Variants in MAP4K3 observed in about 807,000 individuals in gnomAD.
MAP4K3 encodes the protein mitogen-activated protein kinase kinase kinase kinase 3, also known as MAPK/ERK kinase kinase kinase 3.
In MAP4K3, 94 loss-of-function variants were observed where a neutral mutation model predicts 143.5. The observed-to-expected ratio is 0.65, with a 90% CI of 0.55 to 0.78. The LOEUF is 0.78. MAP4K3 is among the 30% of genes least tolerant of loss of function. The pLI, the probability that MAP4K3 is intolerant of heterozygous loss-of-function variation, is 0.00. For missense variants in MAP4K3, 1,077 were observed against 1,068.1 expected, an observed-to-expected ratio of 1.01 and a Z score of -0.12; for synonymous variants, 416 against 347.2, an observed-to-expected ratio of 1.20 and a Z score of -2.20.
At chr2:39,306,894 G>C (rs1382228643) in intron 15 of MAP4K3, among the ~76,000 whole-genome samples, 1 of 152,218 alleles carries the variant, frequency 6.6e-6, no homozygotes, top group Non-Finnish European at 1.5e-5. Context: ...TTGTATGTTA[G>C]CTTCCCTCAT....
At chr2:39,282,649 G>A in intron 21 of MAP4K3, 95 bp from the exon 22 acceptor site, 1 of 813,970 alleles carries the variant, frequency 1.2e-6, no homozygotes, top group East Asian at 2.6e-5. Flanking sequence ...TAAAATACAT[G>A]AATACATTCT....
At position 39,379,188 on chromosome 2, in the gene MAP4K3, T is replaced by C. The variant is rs1325671294; in HGVS notation, c.97-1065A>G. 2.6e-5 allele frequency among the ~76,000 whole-genome samples: 4 copies of C among 152,072 alleles called. No individual in the cohort carries two copies. The East Asian group carries it at 7.7e-4, about 29-fold the overall frequency. ...GGTAACACCATTAACAGTGGAATTC[T>C]TCTAAGAATACTAGGGCACTAAAAA... On this transcript the variant is annotated intron_variant, in intron 1 of 33. Coordinates refer to ENST00000263881, the MANE Select transcript of MAP4K3 (RefSeq NM_003618.4).
intron 1 of MAP4K3, among the ~76,000 whole-genome samples, chr2:39,406,139 C>T (rs1264307306): frequency 2.0e-5 from 3 of 151,694 alleles, no homozygotes; most frequent in Non-Finnish European, 4.4e-5. Flanking sequence ...CAAAACTGAT[C>T]AAGCAGAAGA....
chr2:39,434,634 T>C (rs1273728816), intron 1 of MAP4K3, among the ~76,000 whole-genome samples: 1 of 152,270 alleles, frequency 6.6e-6, no homozygotes, highest in Non-Finnish European at 1.5e-5. Context: ...GCCCATCTCC[T>C]ATCTTTAGAG....
intron 8 of MAP4K3, 106 bp from the exon 9 acceptor site, chr2:39,326,383 A>G: frequency 7.8e-7 from 1 of 1,279,998 alleles, no homozygotes; most frequent in Admixed American, 2.3e-5. Flanking sequence ...AGGCCTCTTT[A>G]GGCCTTGGTT....
At chr2:39,333,961 T>TGTG (rs1683773450) in intron 6 of MAP4K3, among the ~76,000 whole-genome samples, 2,082 of 144,136 alleles carry the variant, frequency 0.014, 64 homozygotes, top group East Asian at 0.11. Flanking sequence ...TTTCCCATTT[T>TGTG]TGTGTGTGTG....
chr2:39,270,824 G>A (rs965522703), intron 26 of MAP4K3, among the ~76,000 whole-genome samples: 4 of 152,106 alleles, frequency 2.6e-5, no homozygotes, highest in African/African-American at 7.2e-5. Context: ...TGGTATGAAT[G>A]CACATATATA....
At chr2:39,411,147 TG>T (rs1353132586) in intron 1 of MAP4K3, among the ~76,000 whole-genome samples, 2 of 152,232 alleles carry the variant, frequency 1.3e-5, no homozygotes, top group Non-Finnish European at 2.9e-5. Context: ...CTGTGAGGAC[TG>T]GGAAATGGAT....
Position 39,250,563 on chromosome 2 carries a change from G to T in MAP4K3, c.*55C>A. On this transcript the variant is annotated 3_prime_UTR_variant, in exon 34 of 34. Transcript: ENST00000263881. ...TGTACAGCTTCAAGCATCCATTAAT[G>T]TTGCAGTGGTAGTGTTCTTTCTTTC... The T allele has an allele frequency of 2.7e-6, 4 of 1,467,790 alleles. No homozygotes were observed. Among genetic ancestry groups the T allele is most frequent in the Non-Finnish European group, 9.5e-7 (1 of 1,051,462 alleles). 90.9% of individuals were successfully genotyped at this position (1,467,790 alleles called of 1,614,324 possible).
intron 1 of MAP4K3, among the ~76,000 whole-genome samples, chr2:39,425,307 T>C (rs777645170): frequency 1.3e-5 from 2 of 152,140 alleles, no homozygotes; most frequent in Non-Finnish European, 2.9e-5. Context: ...CAATTAAGTA[T>C]GCAACAAGAA....
chr2:39,344,285 G>C (rs1030133078), intron 3 of MAP4K3, among the ~76,000 whole-genome samples: 3 of 152,178 alleles, frequency 2.0e-5, no homozygotes, highest in Admixed American at 6.5e-5. Context: ...AATATGGCCA[G>C]CGGACCAAAT....
At chr2:39,342,924 C>G (rs945058567) in intron 4 of MAP4K3, among the ~76,000 whole-genome samples, 1 of 152,162 alleles carries the variant, frequency 6.6e-6, no homozygotes. Context: ...CTCTTATACA[C>G]TCCTTGAAAT....
At chr2:39,305,951 C>T (rs1449026963) in intron 15 of MAP4K3, among the ~76,000 whole-genome samples, 2 of 152,056 alleles carry the variant, frequency 1.3e-5, no homozygotes, top group Non-Finnish European at 2.9e-5. Flanking sequence ...GCCTCAGCCT[C>T]CTGAGTAGCT....
At chr2:39,383,084 T>C (rs2148586373) in intron 1 of MAP4K3, among the ~76,000 whole-genome samples, 1 of 152,336 alleles carries the variant, frequency 6.6e-6, no homozygotes, top group African/African-American at 2.4e-5. Flanking sequence ...GGATAACCCA[T>C]GCTCACTGCT....
chr2:39,429,064 C>CAAAAAAAA (rs34783806), intron 1 of MAP4K3, among the ~76,000 whole-genome samples: 2 of 60,104 alleles, frequency 3.3e-5, no homozygotes, highest in Admixed American at 2.7e-4. Flanking sequence ...GACTCCGTCT[C>CAAAAAAAA]AAAAAAAAAA....
chr2:39,425,030 A>G (rs557336440), intron 1 of MAP4K3, among the ~76,000 whole-genome samples: 2 of 152,240 alleles, frequency 1.3e-5, no homozygotes, highest in East Asian at 3.9e-4. Flanking sequence ...ATCCAAGACC[A>G]AAAAGACTCA....
At chr2:39,313,529 T>C (rs990184348) in intron 13 of MAP4K3, among the ~76,000 whole-genome samples, 1 of 151,890 alleles carries the variant, frequency 6.6e-6, no homozygotes, top group Non-Finnish European at 1.5e-5. Context: ...CTCTCTCTCT[T>C]TCTTTCAATT....
At chr2:39,295,188 T>C (rs999340259) in intron 16 of MAP4K3, among the ~76,000 whole-genome samples, 1 of 152,150 alleles carries the variant, frequency 6.6e-6, no homozygotes, top group Non-Finnish European at 1.5e-5. Flanking sequence ...AAACCTTTTA[T>C]GGCAATTATT....
intron 1 of MAP4K3, among the ~76,000 whole-genome samples, chr2:39,427,339 A>T (rs1279769524): frequency 6.6e-6 from 1 of 152,074 alleles, no homozygotes; most frequent in Non-Finnish European, 1.5e-5. Context: ...AAGAAAAAAA[A>T]TCCTACCAAA....
Sources: allele counts gnomAD v4.1 joint callset (sites outside exome capture counted in the v4.1 genomes callset), GRCh38; gene constraint gnomAD v4.1.1; transcripts MANE v1.5; gene names NCBI Gene and HGNC (gene_info 2026-07-23, HGNC 2026-07-21).